MED13L: variants seen among roughly 807,000 people sequenced by gnomAD.
MED13L encodes mediator complex subunit 13L, also known as mediator of RNA polymerase II transcription subunit 13-like.
A neutral mutation model predicts 220.9 loss-of-function variants in MED13L; 7 were observed. The ratio of observed to expected loss-of-function variants is 0.03; its 90% CI spans 0.02 to 0.06. The LOEUF (loss-of-function observed/expected upper bound fraction) is 0.06. Ranked by LOEUF, MED13L falls within the 10% of genes least tolerant of loss-of-function variation. The pLI is 1.00. For missense variants in MED13L, 1,965 were observed against 2,760.5 expected (o/e 0.71, Z 6.46); for synonymous variants, 1,011 against 1,015.2 (o/e 1.00, Z 0.08).
At chr12:116,048,653 G>GT (rs201973340) in intron 4 of MED13L, among the ~76,000 whole-genome samples, 240 of 147,454 alleles carry the variant, frequency 1.6e-3, no homozygotes, top group South Asian at 7.6e-3. Flanking sequence ...ATGAAATTTT[G>GT]TTTTTTTTTT....
At chr12:116,152,116 T>C (rs745480126) in intron 2 of MED13L, among the ~76,000 whole-genome samples, 4 of 152,184 alleles carry the variant, frequency 2.6e-5, no homozygotes, top group Non-Finnish European at 5.9e-5. Context: ...TCATACAGGT[T>C]CTCTCTCCCC....
Position 116,116,508 on chromosome 12 carries a change from T to C in MED13L, c.311-4996A>G, listed in dbSNP as rs538401699. Among the ~76,000 whole-genome samples, 4 of 152,232 alleles carry C rather than the reference T, an allele frequency of 2.6e-5. No individual in the cohort carries two copies. The East Asian group carries it at 5.8e-4, about 22-fold the overall frequency. On this transcript the variant is annotated intron_variant, in intron 2 of 30. Coordinates refer to ENST00000281928, the MANE Select transcript of MED13L (RefSeq NM_015335.5). Reference sequence around the variant, plus strand: ...TCCATTTGGCTGTTCTCTGTACCCTTTGTAATAAACCAGTAAACATAAGTA... The same window carrying C: ...TCCATTTGGCTGTTCTCTGTACCCTCTGTAATAAACCAGTAAACATAAGTA...
intron 2 of MED13L, among the ~76,000 whole-genome samples, chr12:116,132,527 T>G (rs980497056): frequency 6.6e-6 from 1 of 152,154 alleles, no homozygotes. Context: ...AAGTATGCTA[T>G]TTCCACATGG....
Position 116,095,860 on chromosome 12 carries a change from T to C in MED13L, c.479+809A>G, listed in dbSNP as rs552449861. Among the ~76,000 whole-genome samples the C allele has an allele frequency of 6.6e-5, 10 of 152,320 alleles. No homozygotes were observed. The South Asian group carries it at 2.1e-3, about 32-fold the overall frequency. On this transcript the variant is annotated intron_variant, in intron 4 of 30. Transcript: ENST00000281928. ...TGTGACTGATCTAAAATTCCATGTC[T>C]GTATAGTATCAAGGATTGCATTTAA... is the stretch of plus-strand genomic sequence containing the variant.
At chr12:116,162,152 T>G (rs1206460418) in intron 2 of MED13L, among the ~76,000 whole-genome samples, 1 of 152,146 alleles carries the variant, frequency 6.6e-6, no homozygotes, top group African/African-American at 2.4e-5. Context: ...AACAGGAGAT[T>G]CTAGCCTACC....
chr12:116,273,265 T>C (rs1873540036), intron 1 of MED13L, among the ~76,000 whole-genome samples: 1 of 151,744 alleles, frequency 6.6e-6, no homozygotes, highest in Non-Finnish European at 1.5e-5. Context: ...GATGGCACCT[T>C]TGCACTCCAG....
chr12:116,137,779 A>G (rs906571785), intron 2 of MED13L, among the ~76,000 whole-genome samples: 1 of 152,144 alleles, frequency 6.6e-6, no homozygotes, highest in African/African-American at 2.4e-5. Flanking sequence ...TGTCTAAAAA[A>G]TACGGTGTTG....
At chr12:116,064,478 C>T (rs1455429317) in intron 4 of MED13L, among the ~76,000 whole-genome samples, 1 of 152,026 alleles carries the variant, frequency 6.6e-6, no homozygotes, top group East Asian at 1.9e-4. Flanking sequence ...GAAAAGAGGT[C>T]AATTTGATTA....
chr12:115,980,067 A>G (rs1031794162), intron 23 of MED13L, among the ~76,000 whole-genome samples: 2 of 152,234 alleles, frequency 1.3e-5, no homozygotes, highest in Non-Finnish European at 2.9e-5. Context: ...AGTAAACACA[A>G]CTACAACTGT....
chr12:116,202,278 G>A (rs936739408), intron 2 of MED13L, among the ~76,000 whole-genome samples: 3 of 152,194 alleles, frequency 2.0e-5, no homozygotes, highest in Non-Finnish European at 4.4e-5. Context: ...GTAAGGCTGT[G>A]TTCAGAAAGT....
Position 115,972,152 on chromosome 12 carries a change from G to A in MED13L, c.5816C>T (p.Ala1939Val). 6.2e-7 allele frequency: 1 copy of A among 1,613,994 alleles called. No individual in the cohort carries two copies. The highest frequency in any genetic ancestry group is 8.5e-7 in the Non-Finnish European group (1 of 1,179,892). ...KDVCRMCGIS[A>V]ADSPSILSAC... is the part of the protein sequence containing the mutation. ...ACTAAGGATAGAAGGAGAGTCTGCGGCAGAGATTCCACACATCCGGCACAC... is the reference window on the plus strand; with the variant it reads ...ACTAAGGATAGAAGGAGAGTCTGCGACAGAGATTCCACACATCCGGCACAC... The change falls in exon 26 of 31, where the codon GCC becomes GTC. Residue 1939 changes from alanine (A) to valine (V), a missense_variant. Ala to Val is a moderately conservative substitution (Grantham distance 64, BLOSUM62 0). This residue lies in a region of MED13L where 23 missense variants were observed against 20.4 expected (regional missense o/e 1.12). Coordinates refer to ENST00000281928, the MANE Select transcript of MED13L (RefSeq NM_015335.5).
At chr12:116,064,019 CAAAAAAT>C (rs961177739) in intron 4 of MED13L, among the ~76,000 whole-genome samples, 4 of 151,620 alleles carry the variant, frequency 2.6e-5, no homozygotes, top group Non-Finnish European at 4.4e-5. Context: ...CCCACCTTTA[CAAAAAAT>C]AAAAAATAAA....
intron 4 of MED13L, among the ~76,000 whole-genome samples, chr12:116,062,683 T>C (rs963142491): frequency 6.6e-6 from 1 of 152,060 alleles, no homozygotes; most frequent in Non-Finnish European, 1.5e-5. Context: ...AGACAGGGTT[T>C]CCCCATATTG....
Position 116,096,354 on chromosome 12 carries a change from CAAAAAAAAAAA to C in MED13L, c.479+304_479+314del, listed in dbSNP as rs537207957. Among the ~76,000 whole-genome samples, 225 of 23,570 alleles carry C rather than the reference CAAAAAAAAAAA, an allele frequency of 9.5e-3. 7 individuals are homozygous for C. The East Asian group carries it at 0.13, about 14-fold the overall frequency. The allele number at this position is 23,570 out of a possible 152,430, so 15.5% of individuals were successfully genotyped here. ...TGGGTGACAGAGTGAGACACAGCCT[CAAAAAAAAAAA>C]AAAAAAAAAAAAAAAAGTCAAAGAT... is the stretch of plus-strand genomic sequence containing the variant. On this transcript the variant is annotated intron_variant, in intron 4 of 30. Transcript: ENST00000281928.
chr12:116,002,149 T>C (rs912043041), intron 14 of MED13L, among the ~76,000 whole-genome samples: 1 of 152,254 alleles, frequency 6.6e-6, no homozygotes, highest in Non-Finnish European at 1.5e-5. Context: ...GGGCTGGCTA[T>C]CATTATTCAT....
At chr12:116,041,570 C>T (rs1056293986) in intron 4 of MED13L, among the ~76,000 whole-genome samples, 2 of 152,126 alleles carry the variant, frequency 1.3e-5, no homozygotes, top group Non-Finnish European at 2.9e-5. Flanking sequence ...CAAGGCTGGG[C>T]GCGGTGGCTC....
chr12:115,986,399 G>C lies in MED13L; in HGVS notation c.4205C>G (p.Pro1402Arg), dbSNP rs774308922. 1 of 1,613,980 alleles carries C rather than the reference G, an allele frequency of 6.2e-7. No homozygotes were observed. Among genetic ancestry groups the C allele is most frequent in the African/African-American group, 1.3e-5 (1 of 74,890 alleles). Residue 1402 changes from proline (P) to arginine (R), a missense_variant, in exon 19 of 31, where the codon CCG (proline) becomes CGG (arginine). Pro to Arg is a moderately radical substitution (Grantham distance 103). This residue lies in a region of MED13L where 510 missense variants were observed against 620.4 expected (regional missense o/e 0.82). Coordinates refer to ENST00000281928, the MANE Select transcript of MED13L (RefSeq NM_015335.5). ...GTCCAACAAGAGCCTCTCCCAAAAC[G>C]GCAAGGAGAATGGCGAGATGGTGAG... ...DFLTISPFSL[P>R]FWERLLLDPY...
At chr12:116,174,100 T>A (rs2138194010) in intron 2 of MED13L, among the ~76,000 whole-genome samples, 2 of 152,060 alleles carry the variant, frequency 1.3e-5, no homozygotes, top group East Asian at 3.9e-4. Context: ...TGTCTATCAA[T>A]CAATAAAAAT....
chr12:116,136,153 G>A (rs567038933), intron 2 of MED13L, among the ~76,000 whole-genome samples: 5 of 152,036 alleles, frequency 3.3e-5, no homozygotes, highest in Middle Eastern at 3.4e-3. Flanking sequence ...CACCTGCCTC[G>A]GCCTTCCAAA....
Sources: gnomAD v4.1 joint callset for allele counts (sites outside exome capture counted in the v4.1 genomes callset) on GRCh38, gnomAD v4.1.1 for gene constraint, gnomAD v4.1.1 regional missense constraint, MANE v1.5 for transcripts, NCBI Gene and HGNC (gene_info 2026-07-23, HGNC 2026-07-21) for gene names.